Variants in DLGAP1 observed in about 807,000 individuals in gnomAD.
DLGAP1 encodes the protein disks large-associated protein 1.
A neutral mutation model predicts 90.8 loss-of-function variants in DLGAP1; 11 were observed. That is an observed-to-expected ratio of 0.12 (90% CI 0.08 to 0.20). The LOEUF (loss-of-function observed/expected upper bound fraction) is 0.20, where lower values mean the gene tolerates loss of function less well. Among genes scored for constraint, DLGAP1 ranks in the 10% least tolerant of loss-of-function variants. The probability of loss-of-function intolerance (pLI) is 1.00; values close to 1 mark genes in which losing one functional copy is unlikely to be tolerated. For synonymous variants in DLGAP1, 558 were observed against 540.7 expected (o/e 1.03, Z -0.44); for missense variants, 1,050 against 1,333.8 (o/e 0.79, Z 3.31).
Position 3,879,264 on chromosome 18 carries a change from G to A in DLGAP1, c.805C>T (p.Leu269=). 6.3e-7 allele frequency: 1 copy of A among 1,599,888 alleles called. No individual in the cohort carries two copies. The highest frequency in any genetic ancestry group is 8.5e-7 in the Non-Finnish European group (1 of 1,172,502). ...CSTCANLPVS[L]DTPLLKKSAW... ...CTCTTCTTCAGCAGCGGGGTGTCCA[G>A]GCTGACCGGCAGGTTGGCGCAGGTG... The change falls in exon 4 of 13, where the codon CTG becomes TTG. Residue 269 remains leucine, a synonymous_variant. Coordinates refer to ENST00000315677, the MANE Select transcript of DLGAP1 (RefSeq NM_004746.4). The surrounding 1 kb of genome is among the most constrained non-coding windows in gnomAD (Gnocchi z 6.6).
chr18:3,541,154 A>G (rs1568160667), intron 9 of DLGAP1, among the ~76,000 whole-genome samples: 1 of 152,214 alleles, frequency 6.6e-6, no homozygotes. Context: ...GTCTTGTCAA[A>G]TGGAGGCTGT....
chr18:4,259,426 G>C (rs1412694796), intron 1 of DLGAP1, among the ~76,000 whole-genome samples: 1 of 152,130 alleles, frequency 6.6e-6, no homozygotes, highest in African/African-American at 2.4e-5. Flanking sequence ...CTCTGAGGTA[G>C]AGAAGGCACA....
chr18:3,625,105 G>A (rs142684366), intron 7 of DLGAP1, among the ~76,000 whole-genome samples: 29 of 152,334 alleles, frequency 1.9e-4, no homozygotes, highest in Non-Finnish European at 3.4e-4. Context: ...TCTCTAAGGA[G>A]ATGGTCCCTC....
intron 3 of DLGAP1, among the ~76,000 whole-genome samples, chr18:3,974,894 TAA>T (rs77364317): frequency 9.9e-4 from 148 of 149,644 alleles, no homozygotes; most frequent in Middle Eastern, 3.5e-3. Context: ...CTTGAGGACA[TAA>T]AAAAAAAATA....
At chr18:4,119,166 A>C (rs990824862) in intron 2 of DLGAP1, among the ~76,000 whole-genome samples, 1 of 152,122 alleles carries the variant, frequency 6.6e-6, no homozygotes, top group Non-Finnish European at 1.5e-5. Context: ...ATCACAGTAC[A>C]CTATAGCCTC....
rs117055178 is a variant in DLGAP1, at chr18:3,921,820, G to A, written c.-72-41680C>T. 4.9e-3 allele frequency among the ~76,000 whole-genome samples: 750 copies of A among 152,264 alleles called. 1 individual carries two copies. The highest frequency in any genetic ancestry group is 8.2e-3 in the Non-Finnish European group (560 of 68,018). Reference sequence around the variant, plus strand: ...AACAGTTAATTTGCAACAAGTAATTGGAATTAACTGTGCTAATATCAGCTT... The same window carrying A: ...AACAGTTAATTTGCAACAAGTAATTAGAATTAACTGTGCTAATATCAGCTT... On this transcript the variant is annotated intron_variant, in intron 3 of 12. Transcript: ENST00000315677.
chr18:4,453,017 A>G (rs2144924886), intron 1 of DLGAP1, among the ~76,000 whole-genome samples: 1 of 152,362 alleles, frequency 6.6e-6, no homozygotes, highest in Non-Finnish European at 1.5e-5. Context: ...AAAAAAATCT[A>G]TGTATGCAAG....
rs549331485 is a variant in DLGAP1 at position 3,617,089 on chromosome 18, T to C, written c.1592-34841A>G. On this transcript the variant is annotated intron_variant, in intron 7 of 12. Transcript: ENST00000315677. The stretch of plus-strand genomic sequence containing the variant: ...GAGACTGCAAGCTCAGGAGAGATGC[T>C]GAGCCAGAACTACCCCGCCAAAGCT... Among the ~76,000 whole-genome samples, 7 of 152,274 alleles carry C rather than the reference T, an allele frequency of 4.6e-5. No homozygotes were observed. The East Asian group carries it at 1.4e-3, about 29-fold the overall frequency.
At chr18:3,877,858 A>T (rs975696497) in intron 4 of DLGAP1, among the ~76,000 whole-genome samples, 2 of 152,244 alleles carry the variant, frequency 1.3e-5, no homozygotes, top group African/African-American at 4.8e-5. Flanking sequence ...GAAATTAGGC[A>T]ACACCAGCTT....
chr18:3,941,629 C>T (rs886589946), intron 3 of DLGAP1, among the ~76,000 whole-genome samples: 6 of 152,182 alleles, frequency 3.9e-5, no homozygotes, highest in African/African-American at 1.4e-4. Flanking sequence ...ACAGTCATCA[C>T]CTCATTAGCA....
At chr18:3,970,722 A>G (rs775118851) in intron 3 of DLGAP1, among the ~76,000 whole-genome samples, 2 of 152,198 alleles carry the variant, frequency 1.3e-5, no homozygotes, top group African/African-American at 4.8e-5. Flanking sequence ...AGAATGAAGG[A>G]TATGTTATTA....
At chr18:4,088,070 T>G (rs11660223) in intron 2 of DLGAP1, among the ~76,000 whole-genome samples, 32,703 of 142,742 alleles carry the variant, frequency 0.23, 4,257 homozygotes, top group Non-Finnish European at 0.32. Flanking sequence ...CTCTTGTTTA[T>G]GTTTCTTAAA....
chr18:3,991,923 G>A lies in DLGAP1; in HGVS notation c.-73+13193C>T, dbSNP rs144053843. On this transcript the variant is annotated intron_variant, in intron 3 of 12. Coordinates refer to ENST00000315677, the MANE Select transcript of DLGAP1 (RefSeq NM_004746.4). ...GACCACGGAAACATGGATTCTTTGT[G>A]ATATTTTGAAAAATGACAAATTGAA... Among the ~76,000 whole-genome samples the A allele has an allele frequency of 7.5e-3, 1,147 of 152,228 alleles. 15 individuals are homozygous for A. The highest frequency in any genetic ancestry group is 0.026 in the African/African-American group (1,086 of 41,544).
chr18:3,844,775 A>C (rs1480237312), intron 4 of DLGAP1, among the ~76,000 whole-genome samples: 1 of 152,234 alleles, frequency 6.6e-6, no homozygotes, highest in African/African-American at 2.4e-5. Flanking sequence ...ACATGTACTT[A>C]GAAATGAAAT....
chr18:4,137,616 T>G (rs1447662595), intron 2 of DLGAP1, among the ~76,000 whole-genome samples: 2 of 152,210 alleles, frequency 1.3e-5, no homozygotes, highest in Non-Finnish European at 2.9e-5. Context: ...TCTGGGTCTT[T>G]TGTGATTTCA....
chr18:3,612,944 C>A (rs990793111), intron 7 of DLGAP1, among the ~76,000 whole-genome samples: 2 of 152,060 alleles, frequency 1.3e-5, no homozygotes, highest in East Asian at 3.9e-4. Flanking sequence ...TGCGTTCAAG[C>A]GATTCTCCTG....
chr18:4,454,775 G>C lies in DLGAP1; in HGVS notation c.-267+231C>G, dbSNP rs574106196. Among the ~76,000 whole-genome samples, 1 of 152,062 alleles carries C rather than the reference G, an allele frequency of 6.6e-6. No individual in the cohort carries two copies. Among genetic ancestry groups the C allele is most frequent in the South Asian group, 2.1e-4 (1 of 4,826 alleles). On this transcript the variant is annotated intron_variant, in intron 1 of 12. Coordinates refer to ENST00000315677, the MANE Select transcript of DLGAP1 (RefSeq NM_004746.4). This position sits in a 1 kb window ranked among gnomAD's most constrained non-coding sequence, Gnocchi z 4.7. Reference sequence around the variant, plus strand: ...AGGACCGCATGGCCGGAGAGGACGCGCTCGCCCCCGAGATCCCAGGTTACC... The same window carrying C: ...AGGACCGCATGGCCGGAGAGGACGCCCTCGCCCCCGAGATCCCAGGTTACC...
chr18:4,180,100 T>C (rs926586158), intron 1 of DLGAP1, among the ~76,000 whole-genome samples: 1 of 152,184 alleles, frequency 6.6e-6, no homozygotes, highest in Non-Finnish European at 1.5e-5. Flanking sequence ...TTCACAATCA[T>C]GCGTGCATCA....
intron 9 of DLGAP1, among the ~76,000 whole-genome samples, chr18:3,563,988 A>C (rs2054294217): frequency 6.6e-6 from 1 of 152,038 alleles, no homozygotes; most frequent in African/African-American, 2.4e-5. Flanking sequence ...TGCTTCTTTC[A>C]TTAGAGCCCT....
Sources: gnomAD v4.1 joint callset for allele counts (sites outside exome capture counted in the v4.1 genomes callset) on GRCh38, gnomAD v4.1.1 for gene constraint, Gnocchi (gnomAD v3.1) non-coding constraint, MANE v1.5 for transcripts, NCBI Gene and HGNC (gene_info 2026-07-23, HGNC 2026-07-21) for gene names.